Variants in SNX5 observed in about 807,000 individuals in gnomAD.
SNX5 encodes the protein sorting nexin-5.
SNX5 carries 31 observed loss-of-function variants against 53.9 expected under a neutral mutation model. The observed-to-expected ratio is 0.58, with a 90% confidence interval of 0.43 to 0.78. SNX5 has a LOEUF of 0.78. Ranked by LOEUF, SNX5 falls within the 30% of genes least tolerant of loss-of-function variation. The probability of loss-of-function intolerance (pLI) is 0.00; values close to 1 mark genes in which losing one functional copy is unlikely to be tolerated. For missense variants in SNX5, 471 were observed against 478.8 expected (o/e 0.98, Z 0.15); for synonymous variants, 168 against 171.1 (o/e 0.98, Z 0.14).
Position 17,941,901 on chromosome 20 carries a change from C to G in SNX5, c.*456G>C, listed in dbSNP as rs1269463295. 2 of 156,478 alleles carry G rather than the reference C, an allele frequency of 1.3e-5. No homozygotes were observed. The highest frequency in any genetic ancestry group is 3.3e-3 in the Middle Eastern group (1 of 302). 9.7% of individuals were successfully genotyped at this position (156,478 alleles called of 1,614,324 possible). A position where few individuals can be genotyped will look rare whatever the true frequency, so the allele number is the denominator to read the frequency against. ...CACCAGATGACTACCAGTGGAGTAACAGGGCAAAACAAAAACACAAACCCC... is the reference window on the plus strand; with the variant it reads ...CACCAGATGACTACCAGTGGAGTAAGAGGGCAAAACAAAAACACAAACCCC... On this transcript the variant is annotated 3_prime_UTR_variant, in exon 13 of 13. Coordinates refer to ENST00000377759, the MANE Select transcript of SNX5 (RefSeq NM_014426.4).
chr20:17,956,690 A>AAC (rs2035363984), intron 2 of SNX5, among the ~76,000 whole-genome samples: 1 of 145,130 alleles, frequency 6.9e-6, no homozygotes, highest in Non-Finnish European at 1.5e-5. Flanking sequence ...AAAAAAAAAA[A>AAC]AAAAAAAAAA....
intron 1 of SNX5, among the ~76,000 whole-genome samples, chr20:17,958,215 A>G (rs558591569): frequency 2.0e-5 from 3 of 152,326 alleles, no homozygotes; most frequent in East Asian, 1.9e-4. Context: ...TAAAGTTGTC[A>G]TAACACTGGA....
rs946791826 is a variant in SNX5, at chr20:17,968,378, G to A, written c.48C>T (p.Ser16=). ...TCTGAGGCTGGGAGGACCTCACCTT[G>A]CTGCGGTCCTCCTCCTGCTGCTGCA... ...ELLQQQEEDR[S]KLRSVSVDLN... The change falls in exon 1 of 13, where the codon AGC becomes AGT. Residue 16 remains serine, a synonymous_variant. Coordinates refer to ENST00000377759, the MANE Select transcript of SNX5 (RefSeq NM_014426.4). The A allele has an allele frequency of 1.5e-5, 19 of 1,276,800 alleles. No individual in the cohort carries two copies. Among genetic ancestry groups the A allele is most frequent in the Non-Finnish European group, 1.8e-5 (18 of 1,007,934 alleles). 79.1% of individuals were successfully genotyped at this position (1,276,800 alleles called of 1,614,324 possible).
intron 2 of SNX5, 44 bp from the exon 3 acceptor site, chr20:17,955,519 A>ATC (rs775758970): frequency 1.4e-6 from 2 of 1,380,046 alleles, no homozygotes; most frequent in South Asian, 2.3e-5. Context: ...CGACTTTTAG[A>ATC]TAAGTGATCT....
At chr20:17,968,168 TAATAG>T (rs1023986011) in intron 1 of SNX5, 26 of 408,498 alleles carry the variant, frequency 6.4e-5, no homozygotes, top group African/African-American at 5.1e-4. Context: ...GGTTCTGTCC[TAATAG>T]AATCCGGGAC....
intron 3 of SNX5, 149 bp from the exon 4 acceptor site, chr20:17,954,266 T>A (rs2035316650): frequency 4.7e-6 from 6 of 1,280,216 alleles, no homozygotes; most frequent in African/African-American, 1.5e-5. Flanking sequence ...TTTCTTAACC[T>A]TCCTTAACTC....
chr20:17,942,197 CCAA>C lies in SNX5; in HGVS notation c.*157_*159del. 1 of 605,068 alleles carries C rather than the reference CCAA, an allele frequency of 1.7e-6. No homozygotes were observed. Among genetic ancestry groups the C allele is most frequent in the Non-Finnish European group, 2.9e-6 (1 of 340,580 alleles). The allele number at this position is 605,068 out of a possible 1,614,324, so 37.5% of individuals were successfully genotyped here. ...AGTAGCAAGCAATAATATTTTTAAA[CCAA>C]CATGGTTAAATGTTAAGATTTGTAG... On this transcript the variant is annotated 3_prime_UTR_variant, in exon 13 of 13. Transcript: ENST00000377759.
At chr20:17,949,679 A>C (rs1406805462) in intron 8 of SNX5, among the ~76,000 whole-genome samples, 5 of 152,182 alleles carry the variant, frequency 3.3e-5, no homozygotes, top group Non-Finnish European at 7.3e-5. Flanking sequence ...GGGTCATTAA[A>C]TTATTCTCAT....
intron 5 of SNX5, 52 bp downstream of exon 5, chr20:17,952,535 G>C: frequency 6.4e-7 from 1 of 1,552,984 alleles, no homozygotes; most frequent in South Asian, 1.2e-5. Flanking sequence ...AGTACATTTT[G>C]AAAGTATAAA....
intron 4 of SNX5, 110 bp downstream of exon 4, chr20:17,953,886 A>T: frequency 1.1e-6 from 1 of 889,232 alleles, no homozygotes; most frequent in Non-Finnish European, 1.8e-6. Context: ...GGACCTAATT[A>T]AACAGCTGCA....
chr20:17,967,407 A>G (rs1239472658), intron 1 of SNX5, among the ~76,000 whole-genome samples: 1 of 152,152 alleles, frequency 6.6e-6, no homozygotes, highest in East Asian at 1.9e-4. Flanking sequence ...TAATTAATGC[A>G]ATGATACCCT....
chr20:17,948,996 TCAC>T lies in SNX5; in HGVS notation c.832-23_832-21del, dbSNP rs765738236. ...TACTTTCTATATAGAAAAGGAAAGG[TCAC>T]CATCAAGGCAGAAAGCTATAGATTA... On this transcript the variant is annotated intron_variant, in intron 9 of 12. Transcript: ENST00000377759. The T allele has an allele frequency of 6.2e-7, 1 of 1,610,786 alleles. No homozygotes were observed. Among genetic ancestry groups the T allele is most frequent in the Non-Finnish European group, 8.5e-7 (1 of 1,178,036 alleles).
intron 1 of SNX5, among the ~76,000 whole-genome samples, chr20:17,962,441 G>T (rs1185079440): frequency 1.3e-5 from 2 of 151,992 alleles, no homozygotes; most frequent in Admixed American, 1.3e-4. Flanking sequence ...CTGACCTCGT[G>T]ATCTGCCCGC....
chr20:17,954,877 A>AT (rs1322651670), intron 3 of SNX5, among the ~76,000 whole-genome samples: 1 of 152,042 alleles, frequency 6.6e-6, no homozygotes, highest in Non-Finnish European at 1.5e-5. Context: ...CGCCCAGCAA[A>AT]TTTTTTGTAT....
chr20:17,946,550 T>C (rs1179227262), intron 11 of SNX5, among the ~76,000 whole-genome samples: 1 of 152,246 alleles, frequency 6.6e-6, no homozygotes, highest in Non-Finnish European at 1.5e-5. Flanking sequence ...TGGGAGTCCA[T>C]GACTCTAATA....
intron 1 of SNX5, chr20:17,961,419 G>A (rs2035446423): frequency 1.0e-6 from 1 of 985,356 alleles, no homozygotes; most frequent in East Asian, 1.1e-4. Flanking sequence ...GGTGACTGCA[G>A]ACTCAGTGCC....
rs796184992 is a variant in SNX5, at chr20:17,956,704, A to C, written c.156+229T>G. Among the ~76,000 whole-genome samples the C allele has an allele frequency of 9.4e-3, 1,063 of 112,912 alleles. 34 individuals are homozygous for C. Among genetic ancestry groups the C allele is most frequent in the East Asian group, 0.067 (245 of 3,634 alleles). The allele number at this position is 112,912 out of a possible 152,430, so 74.1% of individuals were successfully genotyped here. On this transcript the variant is annotated intron_variant, in intron 2 of 12. Coordinates refer to ENST00000377759, the MANE Select transcript of SNX5 (RefSeq NM_014426.4). ...AAAAAAAAAAAAAAAAAAAAAAAAAACAAAAAAACAATGCCCACAGCCCAG... is the reference window on the plus strand; with the variant it reads ...AAAAAAAAAAAAAAAAAAAAAAAAACCAAAAAAACAATGCCCACAGCCCAG...
intron 1 of SNX5, among the ~76,000 whole-genome samples, chr20:17,960,324 G>A (rs919316217): frequency 2.6e-5 from 4 of 152,214 alleles, no homozygotes; most frequent in South Asian, 2.1e-4. Context: ...GGCCAGGCAC[G>A]GTGGCTCACG....
Position 17,968,518 on chromosome 20 carries a change from G to A in SNX5, c.-93C>T. On this transcript the variant is annotated 5_prime_UTR_variant, in exon 1 of 13. Coordinates refer to ENST00000377759, the MANE Select transcript of SNX5 (RefSeq NM_014426.4). ...CGCCGCCTGGGCGCCTCTCGGGGGC[G>A]GCCACGGCCCCGCCTCCGCCGGCCT... 8.5e-7 allele frequency: 1 copy of A among 1,180,458 alleles called. No homozygotes were observed. Among genetic ancestry groups the A allele is most frequent in the Non-Finnish European group, 1.1e-6 (1 of 915,726 alleles). 73.1% of individuals were successfully genotyped at this position (1,180,458 alleles called of 1,614,324 possible).
Sources: gnomAD v4.1 joint callset for allele counts (sites outside exome capture counted in the v4.1 genomes callset) on GRCh38, gnomAD v4.1.1 for gene constraint, MANE v1.5 for transcripts, NCBI Gene and HGNC (gene_info 2026-07-23, HGNC 2026-07-21) for gene names.